Variants in KIFBP observed in about 807,000 individuals in gnomAD.
KIFBP encodes the protein KIF-binding protein.
In KIFBP, 46 loss-of-function variants were observed where a neutral mutation model predicts 58.9. The observed-to-expected ratio is 0.78, with a 90% CI of 0.62 to 1.00. The LOEUF is 1.00. Ranked by LOEUF, KIFBP falls within the 50% of genes least tolerant of loss-of-function variation. The pLI, the probability that KIFBP is intolerant of heterozygous loss-of-function variation, is 0.00. For missense variants in KIFBP, 651 were observed against 752.9 expected, an observed-to-expected ratio of 0.86 and a Z score of 1.58; for synonymous variants, 241 against 283.4, an observed-to-expected ratio of 0.85 and a Z score of 1.50.
chr10:68,998,753 A>ATATG (rs1843432257), intron 1 of KIFBP, among the ~76,000 whole-genome samples: 1 of 67,152 alleles, frequency 1.5e-5, no homozygotes, highest in African/African-American at 5.2e-5. Context: ...ATACATACAT[A>ATATG]TATGTATATA....
At position 69,015,564 on chromosome 10, in the gene KIFBP, T is replaced by C. The variant is rs1396079727; in HGVS notation, c.1014T>C (p.Leu338=). The C allele has an allele frequency of 6.2e-7, 1 of 1,613,662 alleles. No homozygotes were observed. Among genetic ancestry groups the C allele is most frequent in the Non-Finnish European group, 8.5e-7 (1 of 1,179,952 alleles). The change falls in exon 7 of 7, where the codon CTT becomes CTC. Residue 338 remains leucine (L), a synonymous_variant. Transcript: ENST00000361983. ...SMQDNIGELD[L]DKQSELRALR... is the part of the protein sequence containing the mutation. ...AGGACAACATAGGAGAGCTTGATCT[T>C]GATAAACAGTCTGAACTTAGAGCTT...
At position 69,015,742 on chromosome 10, in the gene KIFBP, T is replaced by C. The variant is rs768129181; in HGVS notation, c.1192T>C (p.Leu398=). 7.4e-6 allele frequency: 12 copies of C among 1,614,098 alleles called. 1 individual carries two copies. The highest frequency in any genetic ancestry group is 1.6e-4 in the Middle Eastern group (1 of 6,084). Residue 398 remains leucine (L), a synonymous_variant, in exon 7 of 7, where the codon TTG becomes CTG. Transcript: ENST00000361983. The part of the protein sequence containing the change: ...DFEEARELFL[L]GQHYVFEAKE... ...TGAAGAAGCCAGAGAACTTTTCTTA[T>C]TGGGTCAGCACTATGTCTTTGAGGC...
intron 2 of KIFBP, among the ~76,000 whole-genome samples, chr10:69,004,206 G>A (rs943194761): frequency 3.7e-5 from 5 of 133,516 alleles, no homozygotes; most frequent in African/African-American, 8.5e-5. Flanking sequence ...GCAAAAGAGC[G>A]AGACTCCATC....
intron 1 of KIFBP, among the ~76,000 whole-genome samples, chr10:68,990,137 A>C (rs1442581118): frequency 6.6e-6 from 1 of 152,178 alleles, no homozygotes; most frequent in East Asian, 1.9e-4. Flanking sequence ...TAGTATTAAT[A>C]ACTTTCTTGG....
At chr10:68,996,034 T>G (rs1384592021) in intron 1 of KIFBP, among the ~76,000 whole-genome samples, 1 of 151,896 alleles carries the variant, frequency 6.6e-6, no homozygotes, top group Non-Finnish European at 1.5e-5. Context: ...GGCAGGTGCC[T>G]GTAATCCCAA....
At chr10:69,008,389 A>ATATATATATATATAT (rs1434053871) in intron 4 of KIFBP, among the ~76,000 whole-genome samples, 4 of 56,584 alleles carry the variant, frequency 7.1e-5, no homozygotes, top group African/African-American at 2.6e-4. Context: ...AAAAAAAAAA[A>ATATATATATATATAT]AAATATATAT....
rs1257801340 is a variant in KIFBP at position 69,000,517 on chromosome 10, A to G, written c.520A>G (p.Lys174Glu). 9 of 1,579,154 alleles carry G rather than the reference A, an allele frequency of 5.7e-6. No homozygotes were observed. Among genetic ancestry groups the G allele is most frequent in the Non-Finnish European group, 7.8e-6 (9 of 1,148,586 alleles). ...AGAAGCACTATATAATCAGTATATG[A>G]AAGAGGTATGTTACATGTCAGATGA... ...SSEALYNQYM[K>E]EVGSPPLDPT... The change falls in exon 2 of 7, where the codon AAA (lysine) becomes GAA (glutamate). Residue 174 changes from lysine to glutamate, a missense_variant. Lys to Glu is a moderately conservative substitution (Grantham distance 56). Coordinates refer to ENST00000361983, the MANE Select transcript of KIFBP (RefSeq NM_015634.4).
At chr10:69,004,134 C>T (rs1002334280) in intron 2 of KIFBP, among the ~76,000 whole-genome samples, 32 of 149,096 alleles carry the variant, frequency 2.1e-4, no homozygotes, top group African/African-American at 7.2e-4. Flanking sequence ...GCAGGTGAAT[C>T]GCTTGAACCC....
At chr10:69,003,072 G>T (rs1589295763) in intron 2 of KIFBP, among the ~76,000 whole-genome samples, 1 of 147,074 alleles carries the variant, frequency 6.8e-6, no homozygotes, top group Admixed American at 6.8e-5. Flanking sequence ...AAGTTACTAA[G>T]CATCAATAGT....
intron 1 of KIFBP, among the ~76,000 whole-genome samples, chr10:68,996,560 A>G (rs1466497278): frequency 4.2e-5 from 6 of 143,660 alleles, no homozygotes; most frequent in Non-Finnish European, 6.1e-5. Context: ...AAACTCTCAA[A>G]AAAATAAATA....
At chr10:68,995,225 C>T (rs1029182558) in intron 1 of KIFBP, 7 of 151,942 alleles carry the variant, frequency 4.6e-5, no homozygotes, top group Non-Finnish European at 8.8e-5. Context: ...CACCATGTTG[C>T]CCAGGCCTCA....
rs1302896005 is a variant in KIFBP at position 68,989,403 on chromosome 10, T to A, written c.426+145T>A. 7.7e-6 allele frequency: 7 copies of A among 905,598 alleles called. No individual in the cohort carries two copies. The African/African-American group carries it at 1.2e-4, about 15-fold the overall frequency. 56.1% of individuals were successfully genotyped at this position (905,598 alleles called of 1,614,324 possible). On this transcript the variant is annotated intron_variant, in intron 1 of 6. Coordinates refer to ENST00000361983, the MANE Select transcript of KIFBP (RefSeq NM_015634.4). ...TCTGGACTGAGTCCCAAAGAGCGTC[T>A]GTGGTCTTCAAAAAAGCCAGTCTTA... is the stretch of plus-strand genomic sequence containing the variant.
At position 69,005,071 on chromosome 10, in the gene KIFBP, C is replaced by T; in HGVS notation, c.551C>T (p.Thr184Ile). The T allele has an allele frequency of 6.2e-7, 1 of 1,613,672 alleles. No homozygotes were observed. Among genetic ancestry groups the T allele is most frequent in the Non-Finnish European group, 8.5e-7 (1 of 1,179,644 alleles). Reference protein sequence around the residue: ...KEVGSPPLDPTERFLPEEEKL... With the variant: ...KEVGSPPLDPIERFLPEEEKL... ...GTTGGGAGTCCTCCTCTTGATCCTA[C>T]TGAGCGTTTTCTTCCTGAAGAAGAG... The change falls in exon 3 of 7, where the codon ACT becomes ATT. Residue 184 changes from threonine (T) to isoleucine (I), a missense_variant. By Grantham distance (89) the Thr-to-Ile change is moderately conservative. Coordinates refer to ENST00000361983, the MANE Select transcript of KIFBP (RefSeq NM_015634.4).
intron 2 of KIFBP, among the ~76,000 whole-genome samples, chr10:69,001,192 T>A (rs1252081540): frequency 6.6e-6 from 1 of 152,082 alleles, no homozygotes; most frequent in East Asian, 1.9e-4. Context: ...TTACTCTGGT[T>A]AAGCAGGTTA....
At chr10:69,003,051 A>C (rs1843487989) in intron 2 of KIFBP, among the ~76,000 whole-genome samples, 2 of 151,928 alleles carry the variant, frequency 1.3e-5, no homozygotes, top group African/African-American at 4.8e-5. Flanking sequence ...TTACAAAAAA[A>C]AAAAAAAAAA....
In KIFBP at chr10:69,010,933, A is replaced by G; in HGVS notation, c.908A>G (p.Tyr303Cys). ...PEAEGEVPEL[Y>C]HQRKGEIARC... Reference sequence around the variant, plus strand: ...GCTGAAGGAGAAGTGCCAGAGCTTTATCATCAAAGAAAGGGGGAAATAGCA... The same window carrying G: ...GCTGAAGGAGAAGTGCCAGAGCTTTGTCATCAAAGAAAGGGGGAAATAGCA... Residue 303 changes from tyrosine to cysteine, a missense_variant, in exon 6 of 7, where the codon TAT (tyrosine) becomes TGT (cysteine). Coordinates refer to ENST00000361983, the MANE Select transcript of KIFBP (RefSeq NM_015634.4). 1.2e-6 allele frequency: 2 copies of G among 1,614,098 alleles called. No individual in the cohort carries two copies. Among genetic ancestry groups the G allele is most frequent in the South Asian group, 2.2e-5 (2 of 91,088 alleles).
chr10:69,006,121 C>T (rs768500918), intron 4 of KIFBP: 11 of 570,988 alleles, frequency 1.9e-5, no homozygotes, highest in Admixed American at 3.2e-5. Flanking sequence ...TTTAAAATAC[C>T]GAGTTTTATC....
At position 69,016,101 on chromosome 10, in the gene KIFBP, C is replaced by G; in HGVS notation, c.1551C>G (p.Tyr517Ter). ...NNLNKSALKY[Y>*]QLFLDSLRDP... ...TTAATAAGTCAGCACTGAAGTACTACCAGCTCTTCTTAGACTCCCTGAGAG... is the reference window on the plus strand; with the variant it reads ...TTAATAAGTCAGCACTGAAGTACTAGCAGCTCTTCTTAGACTCCCTGAGAG... The change falls in exon 7 of 7, where the codon TAC becomes TAG. Residue 517 changes from tyrosine (Y) to a stop codon, truncating the protein, a stop_gained. Coordinates refer to ENST00000361983, the MANE Select transcript of KIFBP (RefSeq NM_015634.4). LOFTEE classifies it high-confidence loss of function. 6.2e-7 allele frequency: 1 copy of G among 1,614,006 alleles called. No homozygotes were observed. The highest frequency in any genetic ancestry group is 8.5e-7 in the Non-Finnish European group (1 of 1,179,908).
Position 69,010,920 on chromosome 10 carries a change from G to A in KIFBP, c.895G>A (p.Val299Met). ...TTTAGCTCCTGAAGCTGAAGGAGAA[G>A]TGCCAGAGCTTTATCATCAAAGAAA... is the stretch of plus-strand genomic sequence containing the variant. ...TEDTPEAEGE[V>M]PELYHQRKGE... The change falls in exon 6 of 7, where the codon GTG (valine) becomes ATG (methionine). Residue 299 changes from valine (V) to methionine (M), a missense_variant. Transcript: ENST00000361983. 1 of 1,613,738 alleles carries A rather than the reference G, an allele frequency of 6.2e-7. No homozygotes were observed. The highest frequency in any genetic ancestry group is 1.7e-5 in the Admixed American group (1 of 60,028).
Sources: allele counts gnomAD v4.1 joint callset (sites outside exome capture counted in the v4.1 genomes callset), GRCh38; gene constraint gnomAD v4.1.1; transcripts MANE v1.5; gene names NCBI Gene and HGNC (gene_info 2026-07-23, HGNC 2026-07-21).